Variants in PLEKHG1 observed in about 807,000 individuals in gnomAD.
PLEKHG1 encodes the protein pleckstrin homology domain-containing family G member 1.
Under a neutral mutation model 100.8 loss-of-function variants are expected in PLEKHG1, and 44 were observed. The observed-to-expected ratio is 0.44, with a 90% CI of 0.34 to 0.56. The LOEUF is 0.56. Ranked by LOEUF, PLEKHG1 falls within the 20% of genes least tolerant of loss-of-function variation. PLEKHG1 has a pLI of 0.01. For synonymous variants in PLEKHG1, 640 were observed against 662.5 expected (o/e 0.97, Z 0.52); for missense variants, 1,545 against 1,720.9 (o/e 0.90, Z 1.81).
At chr6:150,840,691 G>C in exon 16 of PLEKHG1, 5 of 1,614,176 alleles carry the variant, frequency 3.1e-6, no homozygotes, top group Non-Finnish European at 4.2e-6. Context: ...GTCTGCAGCG[G>C]CAACACATTG....
chr6:150,698,948 T>C (rs1347695426), intron 3 of PLEKHG1, among the ~76,000 whole-genome samples: 1 of 152,258 alleles, frequency 6.6e-6, no homozygotes, highest in Non-Finnish European at 1.5e-5. Context: ...TGTATCGTTT[T>C]CTCATAGCTG....
chr6:150,816,967 G>A (rs1429522102), intron 10 of PLEKHG1, among the ~76,000 whole-genome samples: 2 of 152,184 alleles, frequency 1.3e-5, no homozygotes, highest in East Asian at 1.9e-4. Context: ...CCACTGATCT[G>A]ATAGGAGGCA....
Position 150,830,757 on chromosome 6 carries a change from C to T in PLEKHG1, c.1646C>T (p.Pro549Leu), listed in dbSNP as rs768747492. ...GCCTTGTTTCCCAGCCGACGGTCCC[C>T]GCAGGAGAATGAGGATGATGAAGAT... Residue 549 changes from proline (P) to leucine (L), a missense_variant, in exon 15 of 16, where the codon CCG becomes CTG. Transcript: ENST00000358517. 23 of 1,614,016 alleles carry T rather than the reference C, an allele frequency of 1.4e-5. No individual in the cohort carries two copies. In the Admixed American group the frequency reaches 1.8e-4, roughly 13 times the overall value.
Position 150,831,502 on chromosome 6 carries a change from C to G in PLEKHG1, c.2391C>G (p.Ala797=). 6.2e-7 allele frequency: 1 copy of G among 1,614,044 alleles called. No homozygotes were observed. Among genetic ancestry groups the G allele is most frequent in the Non-Finnish European group, 8.5e-7 (1 of 1,179,974 alleles). ...GCCTCCAGCTCAGTGAGGACGAAGCCCCTTACCATCAGGCCACTCCCGATC... is the reference window on the plus strand; with the variant it reads ...GCCTCCAGCTCAGTGAGGACGAAGCGCCTTACCATCAGGCCACTCCCGATC... The change falls in exon 15 of 16, where the codon GCC becomes GCG. Residue 797 remains alanine, a synonymous_variant. Coordinates refer to ENST00000358517, the Ensembl canonical transcript of PLEKHG1. This position sits in a 1 kb window ranked among gnomAD's most constrained non-coding sequence, Gnocchi z 4.1.
At chr6:150,668,365 A>G (rs890759831) in intron 3 of PLEKHG1, among the ~76,000 whole-genome samples, 1 of 152,250 alleles carries the variant, frequency 6.6e-6, no homozygotes, top group East Asian at 1.9e-4. Flanking sequence ...TTCCAAAAAA[A>G]GGAATGATGG....
chr6:150,806,304 C>T (rs1046859092), intron 7 of PLEKHG1, among the ~76,000 whole-genome samples: 19 of 135,848 alleles, frequency 1.4e-4, no homozygotes, highest in East Asian at 4.7e-4. Flanking sequence ...GACATAATGT[C>T]GGAATCTATT....
chr6:150,741,939 C>A (rs776228861), intron 2 of PLEKHG1, among the ~76,000 whole-genome samples: 1 of 152,194 alleles, frequency 6.6e-6, no homozygotes, highest in East Asian at 1.9e-4. Context: ...GAACCACCAC[C>A]GTCCCCACTT....
intron 1 of PLEKHG1, among the ~76,000 whole-genome samples, chr6:150,604,544 A>C (rs1229940645): frequency 6.6e-6 from 1 of 152,232 alleles, no homozygotes; most frequent in Admixed American, 6.5e-5. Context: ...CTCTGTTTTA[A>C]ATGAACTATT....
intron 1 of PLEKHG1, among the ~76,000 whole-genome samples, chr6:150,622,066 G>A (rs1777323154): frequency 6.6e-6 from 1 of 152,102 alleles, no homozygotes; most frequent in Non-Finnish European, 1.5e-5. Flanking sequence ...CGAGAGCTCT[G>A]TCCACACCTG....
At chr6:150,678,408 C>G (rs540160823) in intron 3 of PLEKHG1, among the ~76,000 whole-genome samples, 27 of 152,176 alleles carry the variant, frequency 1.8e-4, no homozygotes, top group African/African-American at 6.5e-4. Context: ...AGAAATCTAA[C>G]TCTTTATGCC....
At chr6:150,708,005 T>C (rs2128602971) in intron 3 of PLEKHG1, among the ~76,000 whole-genome samples, 1 of 152,230 alleles carries the variant, frequency 6.6e-6, no homozygotes, top group East Asian at 1.9e-4. Flanking sequence ...ATTCCCAGGC[T>C]CCCTGTAGGA....
chr6:150,618,750 T>A (rs1202277516), intron 1 of PLEKHG1, among the ~76,000 whole-genome samples: 1 of 152,216 alleles, frequency 6.6e-6, no homozygotes, highest in Non-Finnish European at 1.5e-5. Context: ...ATTTAACAGC[T>A]GGCTCTTGTG....
Position 150,808,353 on chromosome 6 carries a change from G to A in PLEKHG1, c.913-752G>A, listed in dbSNP as rs191457340. 3.2e-3 allele frequency among the ~76,000 whole-genome samples: 481 copies of A among 152,068 alleles called. 1 individual carries two copies. The highest frequency in any genetic ancestry group is 0.011 in the African/African-American group (453 of 41,482). ...GTGATTTTATATAGGCTTTAGTTTT[G>A]AATTACTTATGTGTGGTATGAACTT... On this transcript the variant is annotated intron_variant, in intron 7 of 15. Coordinates refer to ENST00000358517, the Ensembl canonical transcript of PLEKHG1.
At chr6:150,693,097 G>C (rs903890085) in intron 3 of PLEKHG1, among the ~76,000 whole-genome samples, 2 of 152,104 alleles carry the variant, frequency 1.3e-5, no homozygotes, top group Admixed American at 1.3e-4. Context: ...AAACCAGCCT[G>C]GCCAACGTAG....
At chr6:150,665,788 C>A (rs1215387906) in intron 3 of PLEKHG1, among the ~76,000 whole-genome samples, 3 of 151,908 alleles carry the variant, frequency 2.0e-5, no homozygotes, top group Non-Finnish European at 4.4e-5. Context: ...AAATTCCCAG[C>A]TGCTTCTGGC....
intron 1 of PLEKHG1, among the ~76,000 whole-genome samples, chr6:150,628,805 C>A (rs779670627): frequency 1.8e-4 from 28 of 152,102 alleles, no homozygotes; most frequent in Non-Finnish European, 2.9e-4. Flanking sequence ...GTAATAGCCC[C>A]AGGTAATTCA....
chr6:150,730,227 T>TG (rs1782171505), intron 1 of PLEKHG1, among the ~76,000 whole-genome samples: 1 of 149,854 alleles, frequency 6.7e-6, no homozygotes, highest in Non-Finnish European at 1.5e-5. Context: ...TGCAGATCTG[T>TG]AGGGGGTAGA....
intron 1 of PLEKHG1, among the ~76,000 whole-genome samples, chr6:150,626,383 A>G (rs1777511646): frequency 6.6e-6 from 1 of 152,068 alleles, no homozygotes; most frequent in African/African-American, 2.4e-5. Context: ...CTGAAGGAGA[A>G]CTCGCCATGC....
exon 16 of PLEKHG1, chr6:150,841,374 G>A: frequency 5.1e-6 from 1 of 195,618 alleles, no homozygotes; most frequent in South Asian, 9.2e-5. Flanking sequence ...TAACACCTTA[G>A]GATAACGTAA....
Sources: gnomAD v4.1 joint callset for allele counts (sites outside exome capture counted in the v4.1 genomes callset) on GRCh38, gnomAD v4.1.1 for gene constraint, Gnocchi (gnomAD v3.1) non-coding constraint, MANE v1.5 for transcripts, NCBI Gene and HGNC (gene_info 2026-07-23, HGNC 2026-07-21) for gene names.